The following RUFY2 variants were observed in gnomAD, a reference collection of about 807,000 sequenced individuals.
The protein encoded by RUFY2 is RUN and FYVE domain-containing protein 2.
RUFY2 carries 49 observed loss-of-function variants against 94.4 expected under a neutral mutation model. The observed-to-expected ratio is 0.52, with a 90% confidence interval of 0.41 to 0.66. RUFY2 has a LOEUF of 0.66. Among genes scored for constraint, RUFY2 ranks in the 30% least tolerant of loss-of-function variants. The probability of loss-of-function intolerance (pLI) is 0.00; values close to 1 mark genes in which losing one functional copy is unlikely to be tolerated. For synonymous variants in RUFY2, 255 were observed against 235.7 expected, an observed-to-expected ratio of 1.08 and a Z score of -0.75; for missense variants, 541 against 692.8, an observed-to-expected ratio of 0.78 and a Z score of 2.46.
chr10:68,373,640 C>T (rs957269668), intron 13 of RUFY2, among the ~76,000 whole-genome samples: 1 of 151,922 alleles, frequency 6.6e-6, no homozygotes, highest in Non-Finnish European at 1.5e-5. Context: ...GGTGTAGTGG[C>T]GTATGCCTGT....
chr10:68,346,992 G>A (rs983897689), intron 16 of RUFY2, among the ~76,000 whole-genome samples: 4 of 152,070 alleles, frequency 2.6e-5, no homozygotes, highest in African/African-American at 9.7e-5. Context: ...CGTGGCATAA[G>A]CCCATAGTCC....
chr10:68,350,041 G>A (rs902669293), intron 16 of RUFY2, among the ~76,000 whole-genome samples: 1 of 151,462 alleles, frequency 6.6e-6, no homozygotes, highest in Admixed American at 6.6e-5. Context: ...ATGGAGTCTC[G>A]CTCTGTCGCC....
intron 9 of RUFY2, 23 bp from the exon 10 acceptor site, chr10:68,383,937 C>T: frequency 6.3e-7 from 1 of 1,593,716 alleles, no homozygotes; most frequent in Non-Finnish European, 8.6e-7. Context: ...CAAAATTTTT[C>T]ATTCTATAAT....
chr10:68,355,960 A>C (rs2047029051), intron 15 of RUFY2, among the ~76,000 whole-genome samples: 1 of 151,868 alleles, frequency 6.6e-6, no homozygotes, highest in African/African-American at 2.4e-5. Flanking sequence ...TTTTCATGTG[A>C]TCATGACAAT....
At chr10:68,363,524 T>C (rs776617682) in intron 15 of RUFY2, 66 bp downstream of exon 15, 4 of 1,045,280 alleles carry the variant, frequency 3.8e-6, no homozygotes, top group Non-Finnish European at 5.6e-6. Context: ...CCTAATAGAT[T>C]TGGCACACTT....
In RUFY2 at chr10:68,343,488, T is replaced by C. The variant is rs1374217576; in HGVS notation, c.*2280A>G. ...AAGCAGTAAAAGTATACAGTATTAA[T>C]GAAACCAAAATTGCCCTTTTAAAGC... On this transcript the variant is annotated 3_prime_UTR_variant, in exon 18 of 18. Transcript: ENST00000602465. 1 of 152,618 alleles carries C rather than the reference T, an allele frequency of 6.6e-6. No homozygotes were observed. The highest frequency in any genetic ancestry group is 1.5e-5 in the Non-Finnish European group (1 of 68,010). 9.5% of individuals were successfully genotyped at this position (152,618 alleles called of 1,614,324 possible).
At chr10:68,373,305 C>G (rs2048401533) in intron 13 of RUFY2, among the ~76,000 whole-genome samples, 1 of 152,068 alleles carries the variant, frequency 6.6e-6, no homozygotes, top group Non-Finnish European at 1.5e-5. Flanking sequence ...AAATAATGTT[C>G]ATGTAACTTA....
In RUFY2 at chr10:68,346,900, G is replaced by T. The variant is rs141893762; in HGVS notation, c.1600-816C>A. 6.0e-3 allele frequency among the ~76,000 whole-genome samples: 920 copies of T among 152,268 alleles called. 13 individuals carry two copies. The highest frequency in any genetic ancestry group is 0.021 in the African/African-American group (875 of 41,554). ...TTATTTTATAAGACCTCTTTAGGAG[G>T]CCGAGGCAGGAGGATTGCTTGAGGC... On this transcript the variant is annotated intron_variant, in intron 16 of 17. Transcript: ENST00000602465.
rs1177510714 is a variant in RUFY2 at position 68,354,221 on chromosome 10, G to A, written c.1599+1132C>T. On this transcript the variant is annotated intron_variant, in intron 16 of 17. Transcript: ENST00000602465. Reference sequence around the variant, plus strand: ...GTAACACTTTTTTGTCACCCAGGCTGGCGTGCAGTAAGTAGCATGATCAAG... The same window carrying A: ...GTAACACTTTTTTGTCACCCAGGCTAGCGTGCAGTAAGTAGCATGATCAAG... 2.6e-5 allele frequency among the ~76,000 whole-genome samples: 4 copies of A among 152,158 alleles called. No homozygotes were observed. The South Asian group carries it at 8.3e-4, about 32-fold the overall frequency.
chr10:68,406,947 C>G (rs2051370016), intron 1 of RUFY2: 2 of 1,551,950 alleles, frequency 1.3e-6, no homozygotes, highest in African/African-American at 2.7e-5. Context: ...CACCTCGAGC[C>G]CTCGGCCACT....
downstream of RUFY2, chr10:68,341,958 C>G (rs768242896): frequency 6.2e-6 from 10 of 1,612,238 alleles, no homozygotes; most frequent in Admixed American, 1.7e-4. Flanking sequence ...CTGAGTGATT[C>G]TTAATATCTT....
At chr10:68,372,867 C>G (rs1403896685) in intron 13 of RUFY2, among the ~76,000 whole-genome samples, 1 of 151,374 alleles carries the variant, frequency 6.6e-6, no homozygotes, top group East Asian at 1.9e-4. Context: ...GTGGTCACAC[C>G]ACTGCACTCC....
intron 15 of RUFY2, 51 bp downstream of exon 15, chr10:68,363,539 C>G (rs1237241224): frequency 8.1e-6 from 10 of 1,234,468 alleles, no homozygotes; most frequent in African/African-American, 1.5e-5. Context: ...ACACTTATAC[C>G]TTTTATAAAA....
In RUFY2 at chr10:68,383,905, C is replaced by T. The variant is rs371028948; in HGVS notation, c.832G>A (p.Val278Ile). 1.2e-6 allele frequency: 2 copies of T among 1,613,102 alleles called. No individual in the cohort carries two copies. Among genetic ancestry groups the T allele is most frequent in the East Asian group, 2.2e-5 (1 of 44,858 alleles). ...KTQQHLEVTKVDVETELQTYK... is the reference protein window; with the variant it reads ...KTQQHLEVTKIDVETELQTYK... ...GTTTGAAGCTCAGTTTCCACATCTA[C>T]TTTGGTAACCTAGGAAGAAAACAAA... Residue 278 changes from valine to isoleucine, a missense_variant, in exon 10 of 18, where the codon GTA becomes ATA. Transcript: ENST00000602465.
At chr10:68,391,855 G>A (rs963832611) in intron 7 of RUFY2, among the ~76,000 whole-genome samples, 6 of 150,458 alleles carry the variant, frequency 4.0e-5, no homozygotes, top group South Asian at 2.1e-4. Flanking sequence ...CCAGCTACTC[G>A]GGAGGCTGAG....
At chr10:68,389,630 C>T (rs1330389686) in intron 7 of RUFY2, among the ~76,000 whole-genome samples, 4 of 150,366 alleles carry the variant, frequency 2.7e-5, no homozygotes, top group Non-Finnish European at 5.9e-5. Context: ...AATGGAATAA[C>T]CCCAAGATAA....
intron 13 of RUFY2, among the ~76,000 whole-genome samples, chr10:68,376,275 A>C (rs2048627990): frequency 6.8e-6 from 1 of 147,920 alleles, no homozygotes; most frequent in African/African-American, 2.5e-5. Context: ...AAAATGCAAA[A>C]AATTAGCCAG....
At chr10:68,351,098 T>C (rs1426808300) in intron 16 of RUFY2, among the ~76,000 whole-genome samples, 1 of 151,878 alleles carries the variant, frequency 6.6e-6, no homozygotes, top group East Asian at 1.9e-4. Flanking sequence ...ATGATGGTTT[T>C]GGCAAATATC....
At chr10:68,346,757 A>G (rs1039063145) in intron 16 of RUFY2, 18 of 152,226 alleles carry the variant, frequency 1.2e-4, no homozygotes, top group African/African-American at 4.1e-4. Flanking sequence ...TCCTAGTCCA[A>G]CAATATTTAA....
Sources: gnomAD v4.1 joint callset for allele counts (sites outside exome capture counted in the v4.1 genomes callset) on GRCh38, gnomAD v4.1.1 for gene constraint, MANE v1.5 for transcripts, NCBI Gene and HGNC (gene_info 2026-07-23, HGNC 2026-07-21) for gene names.